The following GPHN variants were observed in gnomAD, a reference collection of about 807,000 sequenced individuals.
GPHN encodes gephyrin.
GPHN carries 17 observed loss-of-function variants against 95.5 expected under a neutral mutation model. That is an observed-to-expected ratio of 0.18 (90% CI 0.12 to 0.27). GPHN has a LOEUF of 0.27. GPHN is among the 10% of genes least tolerant of loss of function. GPHN has a pLI of 1.00. For missense variants in GPHN, 660 were observed against 978.1 expected (o/e 0.67, Z 4.34); for synonymous variants, 320 against 322.5 (o/e 0.99, Z 0.08).
the GPHN span, among the ~76,000 whole-genome samples, chr14:67,250,570 A>T: frequency 6.6e-6 from 1 of 152,234 alleles, no homozygotes; most frequent in Non-Finnish European, 1.5e-5. Flanking sequence ...TCTGATAGTC[A>T]TCTGGGCCCT....
At chr14:66,972,497 T>C (rs533938196) in intron 9 of GPHN, among the ~76,000 whole-genome samples, 62 of 151,984 alleles carry the variant, frequency 4.1e-4, no homozygotes, top group African/African-American at 1.2e-3. Flanking sequence ...ACTCAAACAA[T>C]TGCATAAATA....
chr14:66,921,754 G>A (rs1346435317), intron 6 of GPHN, among the ~76,000 whole-genome samples: 1 of 152,014 alleles, frequency 6.6e-6, no homozygotes, highest in Non-Finnish European at 1.5e-5. Context: ...CATAGCCAAA[G>A]CAAGACTAAG....
the GPHN span, among the ~76,000 whole-genome samples, chr14:67,604,002 G>GTT: frequency 6.8e-5 from 10 of 147,874 alleles, no homozygotes; most frequent in African/African-American, 2.2e-4. Context: ...TTTTGTTTTT[G>GTT]TTTTTTTTTT....
At chr14:66,733,587 C>T (rs374045527) in intron 2 of GPHN, among the ~76,000 whole-genome samples, 20 of 152,208 alleles carry the variant, frequency 1.3e-4, no homozygotes, top group Admixed American at 9.8e-4. Context: ...TACTGATTAT[C>T]CACTTTATGT....
At chr14:66,913,800 A>G (rs903433792) in intron 5 of GPHN, among the ~76,000 whole-genome samples, 20 of 152,154 alleles carry the variant, frequency 1.3e-4, no homozygotes, top group Non-Finnish European at 5.9e-5. Context: ...ATCTTTAGCT[A>G]TTTGATAAAT....
At chr14:67,297,229 AT>A in the GPHN span, among the ~76,000 whole-genome samples, 21 of 152,340 alleles carry the variant, frequency 1.4e-4, no homozygotes, top group Non-Finnish European at 2.6e-4. Flanking sequence ...AGTATTCAAC[AT>A]TTTTTGGCAG....
the GPHN span, among the ~76,000 whole-genome samples, chr14:67,440,132 A>T: frequency 6.6e-6 from 1 of 152,196 alleles, no homozygotes; most frequent in Non-Finnish European, 1.5e-5. Context: ...TACCACTCCC[A>T]GCCTTAGCTG....
chr14:67,617,004 A>G, the GPHN span: 1 of 152,102 alleles, frequency 6.6e-6, no homozygotes, highest in Non-Finnish European at 1.5e-5. Flanking sequence ...CCTCCTGAGT[A>G]GCTGGGATTA....
the GPHN span, among the ~76,000 whole-genome samples, chr14:67,547,512 TG>T: frequency 6.6e-6 from 1 of 152,194 alleles, no homozygotes; most frequent in African/African-American, 2.4e-5. Flanking sequence ...CTACACGCAC[TG>T]GGAGGAGCCA....
At chr14:67,514,481 G>C in the GPHN span, among the ~76,000 whole-genome samples, 1 of 152,160 alleles carries the variant, frequency 6.6e-6, no homozygotes, top group Non-Finnish European at 1.5e-5. Context: ...CCCAGGACAC[G>C]GACCTGGGGA....
At chr14:67,068,373 C>G (rs2076150662) in intron 11 of GPHN, among the ~76,000 whole-genome samples, 1 of 152,212 alleles carries the variant, frequency 6.6e-6, no homozygotes, top group Admixed American at 6.5e-5. Flanking sequence ...TTTTAAGGAA[C>G]AAGTATTCCA....
chr14:67,411,408 G>T, the GPHN span, among the ~76,000 whole-genome samples: 22,363 of 151,964 alleles, frequency 0.15, 3,477 homozygotes, highest in African/African-American at 0.39. Context: ...CTGTAATAGA[G>T]TGATGTCAGT....
chr14:67,139,192 C>T (rs1312487146), intron 17 of GPHN, among the ~76,000 whole-genome samples: 1 of 151,484 alleles, frequency 6.6e-6, no homozygotes, highest in Non-Finnish European at 1.5e-5. Context: ...CACTACACTC[C>T]AGCCTGGTCA....
the GPHN span, among the ~76,000 whole-genome samples, chr14:67,558,269 G>A: frequency 1.3e-5 from 2 of 152,190 alleles, no homozygotes; most frequent in African/African-American, 4.8e-5. Flanking sequence ...AGTCTGGACA[G>A]ATGACTTTTA....
At chr14:67,506,781 C>G in the GPHN span, among the ~76,000 whole-genome samples, 1 of 152,100 alleles carries the variant, frequency 6.6e-6, no homozygotes, top group East Asian at 1.9e-4. Context: ...GTAAAGAGAT[C>G]GAGACCATCC....
At chr14:66,726,512 T>C (rs1201016361) in intron 2 of GPHN, among the ~76,000 whole-genome samples, 2 of 152,230 alleles carry the variant, frequency 1.3e-5, no homozygotes, top group Non-Finnish European at 2.9e-5. Flanking sequence ...AGTCTTCTTC[T>C]AGGGATGTTT....
At chr14:67,636,937 T>G in the GPHN span, among the ~76,000 whole-genome samples, 1 of 152,196 alleles carries the variant, frequency 6.6e-6, no homozygotes, top group African/African-American at 2.4e-5. Context: ...ACAGATGAAT[T>G]GACCTGATGC....
At chr14:67,732,126 CAA>C in the GPHN span, among the ~76,000 whole-genome samples, 72 of 77,502 alleles carry the variant, frequency 9.3e-4, no homozygotes, top group East Asian at 6.3e-3. Flanking sequence ...GACTCTGTCT[CAA>C]AAAAAAAAAA....
chr14:67,491,503 G>A, the GPHN span, among the ~76,000 whole-genome samples: 2 of 152,130 alleles, frequency 1.3e-5, no homozygotes, highest in African/African-American at 4.8e-5. Context: ...GTTATCAAAG[G>A]TGCTTATTAT....
Sources: gnomAD v4.1 joint callset for allele counts (sites outside exome capture counted in the v4.1 genomes callset) on GRCh38, gnomAD v4.1.1 for gene constraint, MANE v1.5 for transcripts, NCBI Gene and HGNC (gene_info 2026-07-23, HGNC 2026-07-21) for gene names.